The following GPC6 variants were observed in gnomAD, a reference collection of about 807,000 sequenced individuals.
GPC6 encodes the protein glypican 6, also known as glypican-6.
A neutral mutation model predicts 55.2 loss-of-function variants in GPC6; 14 were observed. The observed-to-expected ratio is 0.25, with a 90% CI of 0.17 to 0.40. The LOEUF is 0.40. GPC6 is among the 10% of genes least tolerant of loss of function. The pLI is 1.00. For missense variants in GPC6, 641 were observed against 708.5 expected (o/e 0.90, Z 1.08); for synonymous variants, 278 against 259.6 (o/e 1.07, Z -0.68).
At chr13:93,690,119 T>C (rs1394985166) in intron 2 of GPC6, among the ~76,000 whole-genome samples, 1 of 152,124 alleles carries the variant, frequency 6.6e-6, no homozygotes, top group Non-Finnish European at 1.5e-5. Flanking sequence ...AAACTTGCTT[T>C]TAACTCAATT....
chr13:93,995,918 G>A (rs1881530220), intron 3 of GPC6, among the ~76,000 whole-genome samples: 1 of 152,090 alleles, frequency 6.6e-6, no homozygotes, highest in Non-Finnish European at 1.5e-5. Flanking sequence ...GTCATCCCCA[G>A]AAAAGATGAG....
intron 1 of GPC6, among the ~76,000 whole-genome samples, chr13:93,372,460 T>C (rs1321773232): frequency 6.6e-6 from 1 of 152,186 alleles, no homozygotes; most frequent in East Asian, 1.9e-4. Flanking sequence ...GATACATAGG[T>C]GTCAGGAGAT....
intron 3 of GPC6, among the ~76,000 whole-genome samples, chr13:93,949,031 T>C (rs1227123097): frequency 1.3e-5 from 2 of 152,170 alleles, no homozygotes; most frequent in African/African-American, 4.8e-5. Flanking sequence ...TCAACTGACA[T>C]TTGTTATTGA....
At chr13:93,591,608 ATGTT>A (rs1339742154) in intron 2 of GPC6, among the ~76,000 whole-genome samples, 1 of 152,166 alleles carries the variant, frequency 6.6e-6, no homozygotes, top group African/African-American at 2.4e-5. Flanking sequence ...TTTAATCTGA[ATGTT>A]TGTTTCAGTA....
At chr13:93,243,849 G>C (rs573363273) in intron 1 of GPC6, among the ~76,000 whole-genome samples, 3 of 152,136 alleles carry the variant, frequency 2.0e-5, no homozygotes, top group Non-Finnish European at 4.4e-5. Context: ...GGGTGAAGTC[G>C]GGCCAGGAGG....
At chr13:93,647,943 G>A (rs1880244321) in intron 2 of GPC6, among the ~76,000 whole-genome samples, 1 of 152,064 alleles carries the variant, frequency 6.6e-6, no homozygotes, top group Non-Finnish European at 1.5e-5. Context: ...GGGTATGAAA[G>A]CAAATATCTT....
At chr13:94,137,688 T>C (rs1360462231) in intron 4 of GPC6, among the ~76,000 whole-genome samples, 1 of 152,172 alleles carries the variant, frequency 6.6e-6, no homozygotes, top group Non-Finnish European at 1.5e-5. Context: ...CAATCTAAAA[T>C]GAAATACAAT....
rs966902885 is a variant in GPC6 at position 94,286,955 on chromosome 13, A to C, written c.1008+476A>C. Among the ~76,000 whole-genome samples, 26 of 152,238 alleles carry C rather than the reference A, an allele frequency of 1.7e-4. 1 individual carries two copies. The highest frequency in any genetic ancestry group is 6.0e-4 in the African/African-American group (25 of 41,466). The stretch of plus-strand genomic sequence containing the variant: ...AGACTATGGTGTAACTTTCATTAAC[A>C]AATCTTCAGGAGAAAATGCTCCTTT... On this transcript the variant is annotated intron_variant, in intron 5 of 8. Coordinates refer to ENST00000377047, the MANE Select transcript of GPC6 (RefSeq NM_005708.5).
At chr13:93,302,109 AG>A (rs1283960309) in intron 1 of GPC6, among the ~76,000 whole-genome samples, 1 of 152,164 alleles carries the variant, frequency 6.6e-6, no homozygotes, top group Non-Finnish European at 1.5e-5. Context: ...AAGCTTTATG[AG>A]GGCCTCTGTT....
chr13:93,307,668 G>A (rs1594086418), intron 1 of GPC6, among the ~76,000 whole-genome samples: 2 of 151,930 alleles, frequency 1.3e-5, no homozygotes, highest in South Asian at 4.1e-4. Flanking sequence ...TGTCATATAC[G>A]AGACATACTC....
chr13:93,510,869 G>A (rs1350790187), intron 1 of GPC6, among the ~76,000 whole-genome samples: 1 of 145,670 alleles, frequency 6.9e-6, no homozygotes, highest in Non-Finnish European at 1.5e-5. Flanking sequence ...TTGTGGTTTT[G>A]GTTTCCATTT....
intron 1 of GPC6, among the ~76,000 whole-genome samples, chr13:93,305,243 CG>C (rs1356023390): frequency 6.6e-6 from 1 of 151,922 alleles, no homozygotes; most frequent in African/African-American, 2.4e-5. Flanking sequence ...CCCAGGCAGT[CG>C]TTTTTTTTGT....
chr13:93,991,079 T>A (rs1881285035), intron 3 of GPC6, among the ~76,000 whole-genome samples: 1 of 151,952 alleles, frequency 6.6e-6, no homozygotes, highest in Non-Finnish European at 1.5e-5. Flanking sequence ...TCTACTAAAA[T>A]CAGAATGGAC....
chr13:94,006,358 T>A (rs1419224504), intron 3 of GPC6, among the ~76,000 whole-genome samples: 1 of 152,116 alleles, frequency 6.6e-6, no homozygotes, highest in Non-Finnish European at 1.5e-5. Context: ...TGGCCTTGGA[T>A]AGCAGCAAGA....
chr13:93,605,835 G>C (rs1364602279), intron 2 of GPC6, among the ~76,000 whole-genome samples: 1 of 127,438 alleles, frequency 7.8e-6, no homozygotes, highest in Non-Finnish European at 1.6e-5. Context: ...GAGCGAGACC[G>C]TCTCAATAAA....
At position 94,361,789 on chromosome 13, in the gene GPC6, T is replaced by C. The variant is rs147322782; in HGVS notation, c.1153-20625T>C. On this transcript the variant is annotated intron_variant, in intron 6 of 8. Coordinates refer to ENST00000377047, the MANE Select transcript of GPC6 (RefSeq NM_005708.5). ...TTTAAAATTGTTGTTTGGAACAGAT[T>C]AAAGGGTGCAAAAAATGTTAGCAAA... Among the ~76,000 whole-genome samples, 3 of 152,314 alleles carry C rather than the reference T, an allele frequency of 2.0e-5. No individual in the cohort carries two copies. In the East Asian group the frequency reaches 5.8e-4, roughly 29 times the overall value.
intron 4 of GPC6, among the ~76,000 whole-genome samples, chr13:94,121,624 G>T (rs12876985): frequency 6.6e-6 from 1 of 151,920 alleles, no homozygotes; most frequent in Non-Finnish European, 1.5e-5. Context: ...TCTGTTAAGC[G>T]TTATCAATTT....
chr13:93,819,605 G>A (rs1886975195), intron 2 of GPC6, among the ~76,000 whole-genome samples: 1 of 152,222 alleles, frequency 6.6e-6, no homozygotes, highest in Non-Finnish European at 1.5e-5. Context: ...CCAGTGCTAG[G>A]AAACTGCAAT....
chr13:94,247,026 T>C (rs1891218415), intron 4 of GPC6, among the ~76,000 whole-genome samples: 1 of 152,132 alleles, frequency 6.6e-6, no homozygotes, highest in Non-Finnish European at 1.5e-5. Flanking sequence ...TCCTCTTCAA[T>C]TTCTTTCATC....
Sources: gnomAD v4.1 joint callset for allele counts (sites outside exome capture counted in the v4.1 genomes callset) on GRCh38, gnomAD v4.1.1 for gene constraint, MANE v1.5 for transcripts, NCBI Gene and HGNC (gene_info 2026-07-23, HGNC 2026-07-21) for gene names.